TMEM178B: variants seen among roughly 807,000 people sequenced by gnomAD.
TMEM178B encodes transmembrane protein 178B.
TMEM178B carries 5 observed loss-of-function variants against 31.0 expected under a neutral mutation model. The ratio of observed to expected loss-of-function variants is 0.16; its 90% CI spans 0.08 to 0.34. The LOEUF is 0.34. TMEM178B is among the 10% of genes least tolerant of loss of function. The pLI is 1.00. For synonymous variants in TMEM178B, 164 were observed against 164.0 expected (o/e 1.00, Z 0.00); for missense variants, 275 against 400.3 (o/e 0.69, Z 2.67).
At chr7:141,486,123 T>C in the TMEM178B span, among the ~76,000 whole-genome samples, 2 of 152,338 alleles carry the variant, frequency 1.3e-5, no homozygotes, top group East Asian at 1.9e-4. Flanking sequence ...CTGGAGGCTG[T>C]CATCTTAAGT....
intron 2 of TMEM178B, among the ~76,000 whole-genome samples, chr7:141,357,318 A>C (rs1349344648): frequency 6.6e-6 from 1 of 152,200 alleles, no homozygotes; most frequent in Non-Finnish European, 1.5e-5. Flanking sequence ...TTGTTGTAAA[A>C]TTACCCTTTT....
intron 1 of TMEM178B, among the ~76,000 whole-genome samples, chr7:141,166,552 G>A (rs1796265045): frequency 6.6e-6 from 1 of 152,200 alleles, no homozygotes; most frequent in South Asian, 2.1e-4. Flanking sequence ...AAAGATCAGA[G>A]CCACCTTCTA....
intron 2 of TMEM178B, among the ~76,000 whole-genome samples, chr7:141,384,930 T>C (rs1341562956): frequency 6.6e-6 from 1 of 152,186 alleles, no homozygotes; most frequent in Non-Finnish European, 1.5e-5. Context: ...AAATCCATAA[T>C]GCATAATTGA....
intron 1 of TMEM178B, among the ~76,000 whole-genome samples, chr7:141,088,148 C>T (rs904514386): frequency 5.3e-5 from 8 of 152,086 alleles, no homozygotes; most frequent in African/African-American, 1.9e-4. Context: ...AAAAGCCTGG[C>T]CTCTGTGTCT....
At chr7:141,091,788 C>G (rs994601580) in intron 1 of TMEM178B, among the ~76,000 whole-genome samples, 1 of 152,160 alleles carries the variant, frequency 6.6e-6, no homozygotes, top group Admixed American at 6.5e-5. Context: ...AGTGCAGCAG[C>G]GTGATCTCGG....
intron 2 of TMEM178B, among the ~76,000 whole-genome samples, chr7:141,280,124 A>G (rs987018562): frequency 1.3e-5 from 2 of 152,198 alleles, no homozygotes; most frequent in Admixed American, 6.5e-5. Flanking sequence ...CTAGTATTGC[A>G]TGTTTGGGAA....
At chr7:141,503,540 G>T in the TMEM178B span, among the ~76,000 whole-genome samples, 1 of 152,166 alleles carries the variant, frequency 6.6e-6, no homozygotes, top group Admixed American at 6.5e-5. Context: ...AATGTCCTGA[G>T]GTCCTTCGTA....
chr7:141,255,216 C>G lies in TMEM178B; in HGVS notation c.496+42512C>G, dbSNP rs576710530. Among the ~76,000 whole-genome samples, 3 of 152,224 alleles carry G rather than the reference C, an allele frequency of 2.0e-5. No individual in the cohort carries two copies. In the East Asian group the frequency reaches 5.8e-4, roughly 29 times the overall value. On this transcript the variant is annotated intron_variant, in intron 2 of 3. Coordinates refer to ENST00000565468, the MANE Select transcript of TMEM178B (RefSeq NM_001195278.2). The stretch of plus-strand genomic sequence containing the variant: ...GCCAATGGGATCAAGGCATCAGAGG[C>G]AGAGCTGGGGTACAGAGGTTGGATT...
At chr7:141,382,286 G>T (rs1800332024) in intron 2 of TMEM178B, among the ~76,000 whole-genome samples, 1 of 152,096 alleles carries the variant, frequency 6.6e-6, no homozygotes, top group African/African-American at 2.4e-5. Flanking sequence ...TTGGCTGCTG[G>T]CTGTCTCTCC....
intron 1 of TMEM178B, among the ~76,000 whole-genome samples, chr7:141,098,643 G>T (rs1795004058): frequency 6.6e-6 from 1 of 152,186 alleles, no homozygotes; most frequent in Admixed American, 6.5e-5. Context: ...CTATCTTAGA[G>T]ATTTATTGTG....
At chr7:141,433,045 T>A (rs989410177) in intron 2 of TMEM178B, among the ~76,000 whole-genome samples, 1 of 152,164 alleles carries the variant, frequency 6.6e-6, no homozygotes, top group Non-Finnish European at 1.5e-5. Context: ...AACATCCATA[T>A]GCACACAGTC....
intron 1 of TMEM178B, among the ~76,000 whole-genome samples, chr7:141,120,121 C>T (rs917556080): frequency 2.0e-5 from 3 of 152,106 alleles, no homozygotes; most frequent in Admixed American, 6.5e-5. Context: ...AATAGTGAGG[C>T]GATATCAACA....
At chr7:141,421,869 G>A (rs1801216881) in intron 2 of TMEM178B, among the ~76,000 whole-genome samples, 1 of 150,266 alleles carries the variant, frequency 6.7e-6, no homozygotes, top group South Asian at 2.1e-4. Flanking sequence ...AACCTTTTAA[G>A]CCCATCCTTT....
intron 2 of TMEM178B, among the ~76,000 whole-genome samples, chr7:141,259,340 A>G (rs1797978457): frequency 6.6e-6 from 1 of 152,326 alleles, no homozygotes; most frequent in Non-Finnish European, 1.5e-5. Context: ...TCATTGTCAT[A>G]CTTTAAAAAT....
At chr7:141,161,890 G>T (rs1796179268) in intron 1 of TMEM178B, among the ~76,000 whole-genome samples, 1 of 152,046 alleles carries the variant, frequency 6.6e-6, no homozygotes, top group South Asian at 2.1e-4. Context: ...TATGAGTGCA[G>T]CAGTGTGGTC....
intron 1 of TMEM178B, among the ~76,000 whole-genome samples, chr7:141,165,670 T>C (rs1796249478): frequency 6.6e-6 from 1 of 152,244 alleles, no homozygotes; most frequent in African/African-American, 2.4e-5. Context: ...TCCTGGAAGT[T>C]CAACACAAAA....
At chr7:141,225,390 GTTTTTC>G (rs1252471848) in intron 2 of TMEM178B, among the ~76,000 whole-genome samples, 3 of 151,728 alleles carry the variant, frequency 2.0e-5, no homozygotes, top group Non-Finnish European at 4.4e-5. Flanking sequence ...CCACTTCTCA[GTTTTTC>G]TTTTTCATTT....
intron 2 of TMEM178B, among the ~76,000 whole-genome samples, chr7:141,215,798 CT>C (rs1385714252): frequency 2.2e-5 from 2 of 90,972 alleles, no homozygotes; most frequent in Non-Finnish European, 4.4e-5. Flanking sequence ...TTCTTTCTTT[CT>C]TTCTTTCTTT....
chr7:141,283,579 C>T (rs998506257), intron 2 of TMEM178B, among the ~76,000 whole-genome samples: 18 of 152,282 alleles, frequency 1.2e-4, no homozygotes, highest in African/African-American at 4.3e-4. Context: ...TCACTTTTCA[C>T]GTGTCTTATT....
Sources: gnomAD v4.1 joint callset for allele counts (sites outside exome capture counted in the v4.1 genomes callset) on GRCh38, gnomAD v4.1.1 for gene constraint, MANE v1.5 for transcripts, NCBI Gene and HGNC (gene_info 2026-07-23, HGNC 2026-07-21) for gene names.